HPSE2: variants seen among roughly 807,000 people sequenced by gnomAD.
HPSE2 encodes heparanase 2 (inactive).
HPSE2 carries 38 observed loss-of-function variants against 60.5 expected under a neutral mutation model. The ratio of observed to expected loss-of-function variants is 0.63; its 90% CI spans 0.48 to 0.82. The LOEUF (loss-of-function observed/expected upper bound fraction) is 0.82. HPSE2 is among the 40% of genes least tolerant of loss of function. HPSE2 has a pLI of 0.00. For synonymous variants in HPSE2, 295 were observed against 293.2 expected (o/e 1.01, Z -0.06); for missense variants, 713 against 740.4 (o/e 0.96, Z 0.43).
At chr10:99,127,878 G>C (rs982547113) in intron 3 of HPSE2, among the ~76,000 whole-genome samples, 5 of 151,676 alleles carry the variant, frequency 3.3e-5, no homozygotes, top group Non-Finnish European at 7.4e-5. Flanking sequence ...CAACAATTTT[G>C]TATCCAACAA....
At chr10:99,167,892 T>G (rs1847147134) in intron 2 of HPSE2, among the ~76,000 whole-genome samples, 1 of 152,170 alleles carries the variant, frequency 6.6e-6, no homozygotes, top group Non-Finnish European at 1.5e-5. Flanking sequence ...TCTCTCTCTC[T>G]CTCTCTCTCA....
intron 3 of HPSE2, among the ~76,000 whole-genome samples, chr10:98,755,269 G>C (rs755515956): frequency 6.6e-6 from 1 of 151,986 alleles, no homozygotes; most frequent in Non-Finnish European, 1.5e-5. Context: ...GATCAGAAAA[G>C]GCAAAGAAAG....
intron 6 of HPSE2, among the ~76,000 whole-genome samples, chr10:98,663,196 C>T (rs1947270333): frequency 6.6e-6 from 1 of 152,130 alleles, no homozygotes; most frequent in African/African-American, 2.4e-5. Context: ...CCTCATTCAA[C>T]AATCACTACC....
rs933950836 is a variant in HPSE2 at position 98,571,444 on chromosome 10, C to T, written c.1320+43460G>A. On this transcript the variant is annotated intron_variant, in intron 9 of 11. Coordinates refer to ENST00000370552, the MANE Select transcript of HPSE2 (RefSeq NM_021828.5). Reference sequence around the variant, plus strand: ...AGGAGACCAATGTGTAATGAATGATCGTTGAATGGGCTTCAAAGGGGTAAA... The same window carrying T: ...AGGAGACCAATGTGTAATGAATGATTGTTGAATGGGCTTCAAAGGGGTAAA... Among the ~76,000 whole-genome samples, 14 of 151,976 alleles carry T rather than the reference C, an allele frequency of 9.2e-5. No individual in the cohort carries two copies. The South Asian group carries it at 1.9e-3, about 20-fold the overall frequency.
At chr10:98,624,327 T>C (rs1352504630) in intron 7 of HPSE2, among the ~76,000 whole-genome samples, 1 of 152,132 alleles carries the variant, frequency 6.6e-6, no homozygotes, top group Non-Finnish European at 1.5e-5. Flanking sequence ...GTATCTGAAC[T>C]GAGAACTGAG....
intron 3 of HPSE2, among the ~76,000 whole-genome samples, chr10:98,800,367 C>CA (rs975111625): frequency 1.4e-5 from 2 of 146,608 alleles, no homozygotes; most frequent in Non-Finnish European, 3.0e-5. Flanking sequence ...GACCCTATCT[C>CA]AAAAAAAATA....
At chr10:98,645,094 G>A (rs924620098) in intron 6 of HPSE2, among the ~76,000 whole-genome samples, 5 of 152,164 alleles carry the variant, frequency 3.3e-5, no homozygotes, top group Non-Finnish European at 7.3e-5. Context: ...GAGGAAGGGA[G>A]TCACTGATGA....
chr10:98,514,265 G>A (rs1057033767), intron 9 of HPSE2, among the ~76,000 whole-genome samples: 9 of 152,136 alleles, frequency 5.9e-5, no homozygotes, highest in African/African-American at 2.2e-4. Context: ...AAAGGTGGAA[G>A]GGGGAGGCAA....
chr10:98,720,153 G>A (rs775208437), intron 5 of HPSE2, among the ~76,000 whole-genome samples: 3 of 151,962 alleles, frequency 2.0e-5, no homozygotes, highest in Non-Finnish European at 4.4e-5. Context: ...AAGAAAATGG[G>A]ATATGAGGGA....
chr10:98,764,915 G>A (rs1219141210), intron 3 of HPSE2, among the ~76,000 whole-genome samples: 2 of 151,928 alleles, frequency 1.3e-5, no homozygotes, highest in Non-Finnish European at 2.9e-5. Flanking sequence ...TATTTTCCTT[G>A]GAGAAAGGAA....
At chr10:98,481,554 G>A (rs966386227) in intron 11 of HPSE2, among the ~76,000 whole-genome samples, 3 of 152,162 alleles carry the variant, frequency 2.0e-5, no homozygotes, top group African/African-American at 7.2e-5. Flanking sequence ...CAATGTACAT[G>A]TAGCCAGAAA....
intron 2 of HPSE2, among the ~76,000 whole-genome samples, chr10:99,148,512 C>T (rs1162095750): frequency 1.3e-5 from 2 of 152,024 alleles, no homozygotes; most frequent in African/African-American, 2.4e-5. Flanking sequence ...TGAAACTGGC[C>T]GGGTGCAGTA....
chr10:98,831,585 T>G (rs1277704616), intron 3 of HPSE2, among the ~76,000 whole-genome samples: 1 of 152,198 alleles, frequency 6.6e-6, no homozygotes, highest in African/African-American at 2.4e-5. Flanking sequence ...GCATAGCAGC[T>G]GGAAATTTGG....
chr10:98,914,224 A>G (rs1954056324), intron 3 of HPSE2, among the ~76,000 whole-genome samples: 1 of 152,042 alleles, frequency 6.6e-6, no homozygotes. Flanking sequence ...GTTTCCCTGC[A>G]CAAGCTCTCA....
At chr10:99,083,041 G>A (rs922479481) in intron 3 of HPSE2, among the ~76,000 whole-genome samples, 23 of 152,142 alleles carry the variant, frequency 1.5e-4, no homozygotes, top group African/African-American at 5.1e-4. Flanking sequence ...AACAAGATCT[G>A]GGGAATTGAG....
rs369723143 is a variant in HPSE2 at position 98,927,177 on chromosome 10, G to A, written c.611-183121C>T. ...GGTATCCTTGTTGACTTTCTGTCTCGTTGATCTGTCTAATGTTGACAGTGG... is the reference window on the plus strand; with the variant it reads ...GGTATCCTTGTTGACTTTCTGTCTCATTGATCTGTCTAATGTTGACAGTGG... On this transcript the variant is annotated intron_variant, in intron 3 of 11. Transcript: ENST00000370552. 5.1e-3 allele frequency among the ~76,000 whole-genome samples: 748 copies of A among 147,798 alleles called. 3 individuals are homozygous for A. The highest frequency in any genetic ancestry group is 0.019 in the African/African-American group (709 of 37,414).
intron 9 of HPSE2, among the ~76,000 whole-genome samples, chr10:98,498,156 A>G (rs1034688362): frequency 2.6e-5 from 4 of 152,192 alleles, no homozygotes; most frequent in Non-Finnish European, 4.4e-5. Context: ...GGAGGCTCGC[A>G]TCGTGAATTT....
chr10:98,954,324 G>T (rs778945900), intron 3 of HPSE2, among the ~76,000 whole-genome samples: 1 of 150,234 alleles, frequency 6.7e-6, no homozygotes, highest in Non-Finnish European at 1.5e-5. Context: ...AGAAACAAAG[G>T]AAAAAAAAAG....
intron 4 of HPSE2, among the ~76,000 whole-genome samples, chr10:98,733,947 C>T (rs1949287283): frequency 6.6e-6 from 1 of 152,162 alleles, no homozygotes; most frequent in South Asian, 2.1e-4. Flanking sequence ...ACCATCACAA[C>T]ACATTTTAGA....
Sources: allele counts gnomAD v4.1 joint callset (sites outside exome capture counted in the v4.1 genomes callset), GRCh38; gene constraint gnomAD v4.1.1; transcripts MANE v1.5; gene names NCBI Gene and HGNC (gene_info 2026-07-23, HGNC 2026-07-21).